Variants in CD36 observed in about 807,000 individuals in gnomAD.
The protein encoded by CD36 is platelet glycoprotein 4.
A neutral mutation model predicts 55.2 loss-of-function variants in CD36; 119 were observed. The observed-to-expected ratio is 2.15, with a 90% confidence interval of 1.86 to 2.51. The LOEUF (loss-of-function observed/expected upper bound fraction) is 2.51. Among genes scored for constraint, CD36 ranks in the 30% most tolerant of loss-of-function variants. CD36 has a pLI of 0.00. For synonymous variants in CD36, 186 were observed against 193.6 expected (o/e 0.96, Z 0.33); for missense variants, 819 against 555.5 (o/e 1.47, Z -4.77).
At position 80,663,100 on chromosome 7, in the gene CD36, G is replaced by C. The variant is rs746071954; in HGVS notation, c.540G>C (p.Trp180Cys). 3 of 1,613,542 alleles carry C rather than the reference G, an allele frequency of 1.9e-6. No individual in the cohort carries two copies. Among genetic ancestry groups the C allele is most frequent in the Middle Eastern group, 1.7e-4 (1 of 6,054 alleles). The change falls in exon 6 of 15, where the codon TGG becomes TGC. Residue 180 changes from tryptophan to cysteine, a missense_variant. Transcript: ENST00000447544. ...FQVRTLRELL[W>C]GYRDPFLSLV... ...TCAGAACTTTGAGAGAACTGTTATG[G>C]GGCTATAGGGATCCATTTTTGAGTT...
intron 1 of CD36, among the ~76,000 whole-genome samples, chr7:80,625,204 A>G (rs1793676522): frequency 6.6e-6 from 1 of 152,164 alleles, no homozygotes; most frequent in Non-Finnish European, 1.5e-5. Flanking sequence ...GCTACACGGA[A>G]TGATACTGGG....
intron 10 of CD36, among the ~76,000 whole-genome samples, 162 bp downstream of exon 10, chr7:80,671,326 TTTAAAA>T (rs1351134128): frequency 3.3e-5 from 5 of 152,088 alleles, no homozygotes; most frequent in East Asian, 3.9e-4. Context: ...GCAACCAAAA[TTTAAAA>T]TTAAAGTAAG....
intron 8 of CD36, among the ~76,000 whole-genome samples, chr7:80,669,068 G>GA (rs569912409): frequency 1.3e-5 from 2 of 151,910 alleles, no homozygotes; most frequent in South Asian, 4.2e-4. Context: ...GGACAAATGA[G>GA]AAAAAAAATC....
At chr7:80,655,816 G>A (rs3212004) in intron 3 of CD36, among the ~76,000 whole-genome samples, 4,456 of 151,850 alleles carry the variant, frequency 0.029, 92 homozygotes, top group Non-Finnish European at 0.046. Context: ...GGTGGGCATG[G>A]TGGCACAGGT....
rs1290484897 is a variant in CD36, at chr7:80,663,095, T to C, written c.535T>C (p.Leu179=). The part of the protein sequence containing the change: ...MFQVRTLREL[L]WGYRDPFLSL... Reference sequence around the variant, plus strand: ...CCAAGTCAGAACTTTGAGAGAACTGTTATGGGGCTATAGGGATCCATTTTT... The same window carrying C: ...CCAAGTCAGAACTTTGAGAGAACTGCTATGGGGCTATAGGGATCCATTTTT... The change falls in exon 6 of 15, where the codon TTA becomes CTA. Residue 179 remains leucine (L), a synonymous_variant. Transcript: ENST00000447544. 1.2e-6 allele frequency: 2 copies of C among 1,613,590 alleles called. No individual in the cohort carries two copies. Among genetic ancestry groups the C allele is most frequent in the East Asian group, 2.2e-5 (1 of 44,800 alleles).
intron 1 of CD36, among the ~76,000 whole-genome samples, chr7:80,608,801 C>T (rs6968407): frequency 1.9e-4 from 29 of 152,006 alleles, no homozygotes; most frequent in Non-Finnish European, 2.9e-4. Flanking sequence ...CTGAGACTTA[C>T]GATTTTTTCC....
chr7:80,642,661 A>C (rs1376186659), intron 1 of CD36, among the ~76,000 whole-genome samples: 1 of 152,146 alleles, frequency 6.6e-6, no homozygotes, highest in Non-Finnish European at 1.5e-5. Context: ...TAATAAATGA[A>C]CCCAACTAGT....
At chr7:80,629,543 A>C (rs1793950706) in intron 1 of CD36, among the ~76,000 whole-genome samples, 4 of 152,030 alleles carry the variant, frequency 2.6e-5, no homozygotes. Context: ...CTTAGTGTTA[A>C]AGGGCATCTC....
Position 80,656,617 on chromosome 7 carries a change from G to A in CD36, c.198G>A (p.Trp66Ter), listed in dbSNP as rs139067066. The change falls in exon 4 of 15, where the codon TGG becomes TGA. Residue 66 changes from tryptophan to a stop codon, truncating the protein, a stop_gained. Transcript: ENST00000447544. LOFTEE classifies it high-confidence loss of function. ...KTGTEVYRQF[W>*]IFDVQNPQEV... ...GCACAGAAGTTTACAGACAGTTTTG[G>A]ATCTTTGATGTGCAAAATCCACAGG... The A allele has an allele frequency of 7.4e-6, 12 of 1,613,822 alleles. No homozygotes were observed. In the African/African-American group the frequency reaches 1.5e-4, roughly 20 times the overall value.
intron 1 of CD36, among the ~76,000 whole-genome samples, chr7:80,643,336 T>G (rs1794941509): frequency 6.6e-6 from 1 of 152,184 alleles, no homozygotes; most frequent in South Asian, 2.1e-4. Flanking sequence ...TTGTATCACA[T>G]TTGTCAGAGT....
intron 1 of CD36, among the ~76,000 whole-genome samples, chr7:80,627,627 G>GA (rs553672243): frequency 1.6e-4 from 24 of 152,136 alleles, no homozygotes; most frequent in Non-Finnish European, 3.4e-4. Flanking sequence ...TTAGGTGGTA[G>GA]AGTACAAATA....
At chr7:80,620,641 GT>G (rs1793414033) in intron 1 of CD36, among the ~76,000 whole-genome samples, 2 of 152,084 alleles carry the variant, frequency 1.3e-5, no homozygotes, top group Non-Finnish European at 2.9e-5. Flanking sequence ...AGGATGTAGG[GT>G]GGGATCCTGT....
In CD36 at chr7:80,677,189, CA is replaced by C. The variant is rs1376673487; in HGVS notation, c.*811del. The C allele has an allele frequency of 6.6e-6, 1 of 152,080 alleles. No homozygotes were observed. Among genetic ancestry groups the C allele is most frequent in the African/African-American group, 2.4e-5 (1 of 41,430 alleles). The allele number at this position is 152,080 out of a possible 1,614,324, so 9.4% of individuals were successfully genotyped here. ...TTTTTTAAGCTAATTGGATGAAGAA[CA>C]AAAAGACATTTGGTTTCATCCTTTA... is the stretch of plus-strand genomic sequence containing the variant. On this transcript the variant is annotated 3_prime_UTR_variant, in exon 15 of 15. Transcript: ENST00000447544.
chr7:80,656,647 G>A lies in CD36; in HGVS notation c.228G>A (p.Val76=). Residue 76 remains valine, a synonymous_variant, in exon 4 of 15, where the codon GTG becomes GTA. Transcript: ENST00000447544. ...TTGATGTGCAAAATCCACAGGAAGT[G>A]ATGATGAACAGCAGCAACATTCAAG... The part of the protein sequence containing the change: ...WIFDVQNPQE[V]MMNSSNIQVK... 6.2e-7 allele frequency: 1 copy of A among 1,613,820 alleles called. No individual in the cohort carries two copies. Among genetic ancestry groups the A allele is most frequent in the Non-Finnish European group, 8.5e-7 (1 of 1,179,830 alleles).
intron 4 of CD36, among the ~76,000 whole-genome samples, chr7:80,657,091 A>T (rs1305335253): frequency 6.6e-6 from 1 of 152,190 alleles, no homozygotes; most frequent in East Asian, 1.9e-4. Context: ...TCACATCTTA[A>T]AATTTAAAGC....
chr7:80,670,507 T>G (rs528955972), intron 9 of CD36: 2 of 219,590 alleles, frequency 9.1e-6, no homozygotes, highest in South Asian at 1.4e-4. Flanking sequence ...TATTTCTTCA[T>G]ATACGTGTAT....
rs1452744902 is a variant in CD36 at position 80,664,280 on chromosome 7, G to A, written c.610-126G>A. ...TTTAAGGCCAATAATTTAAAAAAAT[G>A]TATTGCAGATGTATTTCAAGTCATT... On this transcript the variant is annotated intron_variant, in intron 6 of 14. Transcript: ENST00000447544. 7 of 655,478 alleles carry A rather than the reference G, an allele frequency of 1.1e-5. No homozygotes were observed. In the Admixed American group the frequency reaches 1.2e-4, roughly 11 times the overall value. The allele number at this position is 655,478 out of a possible 1,614,324, so 40.6% of individuals were successfully genotyped here. A position where few individuals can be genotyped will look rare whatever the true frequency, so the allele number is the denominator to read the frequency against.
chr7:80,639,332 G>T (rs948935686), intron 1 of CD36, among the ~76,000 whole-genome samples: 1 of 151,866 alleles, frequency 6.6e-6, no homozygotes, highest in Non-Finnish European at 1.5e-5. Context: ...CAAAGATATT[G>T]TCATTGTTAC....
chr7:80,667,164 A>G (rs2116778887), intron 8 of CD36, among the ~76,000 whole-genome samples: 1 of 152,304 alleles, frequency 6.6e-6, no homozygotes, highest in East Asian at 1.9e-4. Flanking sequence ...ACAGTGGCTC[A>G]TGTCTATAAT....
Sources: allele counts gnomAD v4.1 joint callset (sites outside exome capture counted in the v4.1 genomes callset), GRCh38; gene constraint gnomAD v4.1.1; transcripts MANE v1.5; gene names NCBI Gene and HGNC (gene_info 2026-07-23, HGNC 2026-07-21).